The following RGS6 variants were observed in gnomAD, a reference collection of about 807,000 sequenced individuals.
RGS6 encodes the protein regulator of G-protein signaling 6.
In RGS6, 30 loss-of-function variants were observed where a neutral mutation model predicts 78.5. That is an observed-to-expected ratio of 0.38 (90% CI 0.29 to 0.52). RGS6 has a LOEUF of 0.52. Among genes scored for constraint, RGS6 ranks in the 20% least tolerant of loss-of-function variants. RGS6 has a pLI of 0.85. For missense variants in RGS6, 495 were observed against 609.7 expected (o/e 0.81, Z 1.98); for synonymous variants, 206 against 206.0 (o/e 1.00, Z 0.00).
intron 2 of RGS6, among the ~76,000 whole-genome samples, chr14:71,998,747 T>C (rs1446490449): frequency 6.6e-6 from 1 of 152,208 alleles, no homozygotes; most frequent in Admixed American, 6.5e-5. Context: ...GATATCTTTA[T>C]ACCACCTCTC....
intron 2 of RGS6, among the ~76,000 whole-genome samples, chr14:72,183,831 G>A (rs1215322155): frequency 6.6e-6 from 1 of 152,096 alleles, no homozygotes; most frequent in East Asian, 1.9e-4. Flanking sequence ...TGTGCCTTGA[G>A]GGGGAAGGAG....
Position 72,485,373 on chromosome 14 carries a change from C to T in RGS6, c.854+7044C>T, listed in dbSNP as rs112675071. On this transcript the variant is annotated intron_variant, in intron 12 of 17. Coordinates refer to ENST00000553525, the MANE Select transcript of RGS6 (RefSeq NM_001204424.2). Reference sequence around the variant, plus strand: ...TTTCTTCTCCCTTTTTGCTTCTCCTCTCCTACCTCTAGTCTTTCTGTGGTC... The same window carrying T: ...TTTCTTCTCCCTTTTTGCTTCTCCTTTCCTACCTCTAGTCTTTCTGTGGTC... Among the ~76,000 whole-genome samples, 22 of 152,242 alleles carry T rather than the reference C, an allele frequency of 1.4e-4. 1 individual carries two copies. The highest frequency in any genetic ancestry group is 4.6e-4 in the African/African-American group (19 of 41,538).
At chr14:71,929,526 G>A (rs1437442118), upstream of RGS6, among the ~76,000 whole-genome samples, 1 of 152,104 alleles carries the variant, frequency 6.6e-6, no homozygotes, top group Non-Finnish European at 1.5e-5. Flanking sequence ...CGATTAAGAT[G>A]ATACCTCCCA....
intron 2 of RGS6, among the ~76,000 whole-genome samples, chr14:72,335,122 G>A (rs2238196): frequency 0.22 from 32,695 of 151,912 alleles, 3,734 homozygotes; most frequent in East Asian, 0.4. Context: ...TTTGCTCCTC[G>A]TTCGCCTTCC....
At position 72,141,627 on chromosome 14, in the gene RGS6, G is replaced by C. The variant is rs537269848; in HGVS notation, c.84+176752G>C. Among the ~76,000 whole-genome samples, 5 of 152,228 alleles carry C rather than the reference G, an allele frequency of 3.3e-5. No individual in the cohort carries two copies. In the South Asian group the frequency reaches 1.0e-3, roughly 32 times the overall value. On this transcript the variant is annotated intron_variant, in intron 2 of 17. Transcript: ENST00000553525. ...GCTGGACCGTGAGGAAGGACACAAG[G>C]CCATCCAGACTCCTGGACTCACAGT...
intron 3 of RGS6, among the ~76,000 whole-genome samples, chr14:72,431,768 A>C (rs1033722027): frequency 6.6e-6 from 1 of 152,196 alleles, no homozygotes; most frequent in Admixed American, 6.5e-5. Flanking sequence ...AGGGATATGG[A>C]CAGGGAGAGC....
intron 15 of RGS6, among the ~76,000 whole-genome samples, chr14:72,532,849 G>A (rs939429138): frequency 2.6e-5 from 4 of 152,248 alleles, no homozygotes; most frequent in African/African-American, 9.6e-5. Context: ...AGCTAACAGA[G>A]GTTGGTTCAT....
intron 2 of RGS6, among the ~76,000 whole-genome samples, chr14:72,016,338 G>C (rs1180619631): frequency 6.6e-6 from 1 of 152,090 alleles, no homozygotes; most frequent in East Asian, 1.9e-4. Flanking sequence ...GTGACTGTGT[G>C]TGGCTTCTGT....
chr14:72,350,728 TG>T (rs1446649375), intron 2 of RGS6, among the ~76,000 whole-genome samples: 1 of 152,124 alleles, frequency 6.6e-6, no homozygotes, highest in Non-Finnish European at 1.5e-5. Flanking sequence ...CACTGACATT[TG>T]GGGGGTTATT....
In RGS6 at chr14:72,320,304, C is replaced by T. The variant is rs190817687; in HGVS notation, c.85-31791C>T. Reference sequence around the variant, plus strand: ...ATTCTTTAAAAAACTATTGGCTGGGCGTGGTGGCTAACACCTGTAATCCCA... The same window carrying T: ...ATTCTTTAAAAAACTATTGGCTGGGTGTGGTGGCTAACACCTGTAATCCCA... On this transcript the variant is annotated intron_variant, in intron 2 of 17. Transcript: ENST00000553525. Among the ~76,000 whole-genome samples, 811 of 152,240 alleles carry T rather than the reference C, an allele frequency of 5.3e-3. 3 individuals are homozygous for T. The highest frequency in any genetic ancestry group is 6.8e-3 in the Non-Finnish European group (463 of 68,002).
chr14:72,376,721 A>G (rs908091302), intron 3 of RGS6, among the ~76,000 whole-genome samples: 1 of 152,218 alleles, frequency 6.6e-6, no homozygotes, highest in East Asian at 1.9e-4. Flanking sequence ...ATTCAATATT[A>G]TGCCCAGCAA....
At position 72,450,278 on chromosome 14, in the gene RGS6, AATTT is replaced by A. The variant is rs1463408970; in HGVS notation, c.185-4242_185-4239del. Among the ~76,000 whole-genome samples the A allele has an allele frequency of 2.6e-5, 4 of 152,248 alleles. No homozygotes were observed. The East Asian group carries it at 7.7e-4, about 29-fold the overall frequency. On this transcript the variant is annotated intron_variant, in intron 3 of 17. Transcript: ENST00000553525. ...AATATTTATTGCATGAATGAGCCAT[AATTT>A]ATTTATTCAGTCCTCTATTAGAGGC... is the stretch of plus-strand genomic sequence containing the variant.
At chr14:72,520,768 A>G (rs1224237376) in intron 15 of RGS6, among the ~76,000 whole-genome samples, 1 of 152,252 alleles carries the variant, frequency 6.6e-6, no homozygotes, top group African/African-American at 2.4e-5. Flanking sequence ...TCATGAGTTT[A>G]AACATATATG....
intron 2 of RGS6, among the ~76,000 whole-genome samples, chr14:72,054,549 T>G (rs2093514231): frequency 6.6e-6 from 1 of 152,222 alleles, no homozygotes; most frequent in African/African-American, 2.4e-5. Flanking sequence ...TGATGGAAAT[T>G]TCTTTTCCTT....
At chr14:72,516,058 A>C (rs1439408201) in intron 14 of RGS6, among the ~76,000 whole-genome samples, 1 of 152,220 alleles carries the variant, frequency 6.6e-6, no homozygotes, top group Non-Finnish European at 1.5e-5. Flanking sequence ...CTGTCTGCCT[A>C]GCATGGGGCT....
chr14:72,490,643 G>C lies in RGS6; in HGVS notation c.855-4509G>C, dbSNP rs551371134. Among the ~76,000 whole-genome samples the C allele has an allele frequency of 3.2e-4, 48 of 152,296 alleles. 1 individual carries two copies. Among genetic ancestry groups the C allele is most frequent in the South Asian group, 8.3e-4 (4 of 4,824 alleles). On this transcript the variant is annotated intron_variant, in intron 12 of 17. Transcript: ENST00000553525. ...TATATAACATGATGAACTTGACAAA[G>C]ATCAGTTAAATGACTCAACCAAGAA...
intron 2 of RGS6, among the ~76,000 whole-genome samples, chr14:72,032,072 G>T (rs2090987565): frequency 6.6e-6 from 1 of 152,054 alleles, no homozygotes; most frequent in Admixed American, 6.6e-5. Flanking sequence ...CTACTTTGTA[G>T]CACTTATTTT....
At chr14:72,409,823 T>A (rs2093265658) in intron 3 of RGS6, among the ~76,000 whole-genome samples, 1 of 152,188 alleles carries the variant, frequency 6.6e-6, no homozygotes, top group African/African-American at 2.4e-5. Context: ...GTTTGGTTTT[T>A]TGTTCTTGCA....
At chr14:72,326,571 G>A (rs975449914) in intron 2 of RGS6, among the ~76,000 whole-genome samples, 55 of 152,196 alleles carry the variant, frequency 3.6e-4, no homozygotes, top group African/African-American at 1.1e-3. Context: ...CCTGCTACCC[G>A]TTTGCCTTCT....
Sources: allele counts gnomAD v4.1 joint callset (sites outside exome capture counted in the v4.1 genomes callset), GRCh38; gene constraint gnomAD v4.1.1; transcripts MANE v1.5; gene names NCBI Gene and HGNC (gene_info 2026-07-23, HGNC 2026-07-21).